Variants in DVL1 observed in about 807,000 individuals in gnomAD.
DVL1 encodes the protein dishevelled segment polarity protein 1.
A neutral mutation model predicts 65.0 loss-of-function variants in DVL1; 49 were observed. The observed-to-expected ratio is 0.75, with a 90% CI of 0.60 to 0.96. The LOEUF is 0.96. Ranked by LOEUF, DVL1 falls within the 40% of genes least tolerant of loss-of-function variation. The probability of loss-of-function intolerance (pLI) is 0.00; values close to 1 mark genes in which losing one functional copy is unlikely to be tolerated. For missense variants in DVL1, 1,197 were observed against 1,045.4 expected, an observed-to-expected ratio of 1.15 and a Z score of -2.00; for synonymous variants, 608 against 433.9, an observed-to-expected ratio of 1.40 and a Z score of -4.99.
chr1:1,339,872 G>A (rs56129021), intron 8 of DVL1, 60 bp from the exon 9 acceptor site: 139 of 693,608 alleles, frequency 2.0e-4, no homozygotes, highest in South Asian at 5.3e-4. Context: ...CACCGCCCCC[G>A]CAGACCCACC....
Position 1,341,009 on chromosome 1 carries a change from CGCACCCCTGCACAAT to C in DVL1, c.606-521_606-507del, listed in dbSNP as rs1273544838. Reference sequence around the variant, plus strand: ...GCACACCTGCATACTCACCTGCACACGCACCCCTGCACAATGCACCCCTGCACACACGCACCCCTG... The same window carrying C: ...GCACACCTGCATACTCACCTGCACACGCACCCCTGCACACACGCACCCCTG... On this transcript the variant is annotated intron_variant, in intron 5 of 14. Transcript: ENST00000378888. Among the ~76,000 whole-genome samples the C allele has an allele frequency of 1.7e-4, 25 of 145,918 alleles. No homozygotes were observed. In the East Asian group the frequency reaches 4.0e-3, roughly 23 times the overall value.
rs1182753234 is a variant in DVL1, at chr1:1,349,061, G to A, written c.5C>T (p.Ala2Val). M[A>V]ETKIIYHMDE... ...CATGTGGTAGATAATCTTGGTCTCC[G>A]CCATGGCGCGGCGGCGGCGCGGAGC... Residue 2 changes from alanine to valine, a missense_variant, in exon 1 of 15, where the codon GCG becomes GTG. Physicochemically the swap from Ala to Val is moderately conservative, Grantham distance 64. Coordinates refer to ENST00000378888, the MANE Select transcript of DVL1 (RefSeq NM_001330311.2). This position sits in a 1 kb window ranked among gnomAD's most constrained non-coding sequence, Gnocchi z 4.1. The A allele has an allele frequency of 5.3e-6, 8 of 1,497,780 alleles. No homozygotes were observed. Among genetic ancestry groups the A allele is most frequent in the Middle Eastern group, 1.8e-4 (1 of 5,516 alleles). The allele number at this position is 1,497,780 out of a possible 1,614,324, so 92.8% of individuals were successfully genotyped here. A position where few individuals can be genotyped will look rare whatever the true frequency, so the allele number is the denominator to read the frequency against.
At chr1:1,338,229 T>TTGCCCA in intron 13 of DVL1, 40 bp downstream of exon 13, 9 of 1,522,350 alleles carry the variant, frequency 5.9e-6, no homozygotes, top group Middle Eastern at 2.0e-4. Flanking sequence ...CCTCCGGCGT[T>TTGCCCA]CCCCTCCCCC....
Position 1,347,830 on chromosome 1 carries a change from C to T in DVL1, c.170+1066G>A, listed in dbSNP as rs574515876. ...CCCAGCCTTCAAAGGCTGCCAAGGA[C>T]GCACCCTGCCCTCTCTGCTTTGCCT... On this transcript the variant is annotated intron_variant, in intron 1 of 14. Transcript: ENST00000378888. 5.3e-5 allele frequency among the ~76,000 whole-genome samples: 8 copies of T among 152,242 alleles called. No homozygotes were observed. The East Asian group carries it at 1.5e-3, about 29-fold the overall frequency.
chr1:1,336,698 G>A (rs1363731740), intron 14 of DVL1, among the ~76,000 whole-genome samples, 183 bp from the exon 15 acceptor site: 1 of 152,206 alleles, frequency 6.6e-6, no homozygotes, highest in Non-Finnish European at 1.5e-5. Context: ...AGCTGCGGCA[G>A]GCATGGGCTG....
chr1:1,337,909 A>G (rs1424771119), intron 14 of DVL1, 68 bp downstream of exon 14: 2 of 1,277,966 alleles, frequency 1.6e-6, no homozygotes, highest in Non-Finnish European at 1.1e-6. Flanking sequence ...CTGGGGGCGG[A>G]GCAGCAGTGG....
chr1:1,342,556 C>A, intron 2 of DVL1, 72 bp from the exon 3 acceptor site: 1 of 1,578,752 alleles, frequency 6.3e-7, no homozygotes, highest in Non-Finnish European at 8.6e-7. Context: ...ACCCAGGGAA[C>A]AGGGGGCCAG....
intron 5 of DVL1, 21 bp from the exon 6 acceptor site, chr1:1,340,524 C>A (rs768109966): frequency 1.4e-4 from 217 of 1,580,696 alleles, no homozygotes; most frequent in Non-Finnish European, 1.8e-4. Flanking sequence ...ACTGTCAGAG[C>A]TCAGAGGAGC....
At chr1:1,337,931 G>A (rs1188567280) in intron 14 of DVL1, 46 bp downstream of exon 14, 1 of 1,509,358 alleles carries the variant, frequency 6.6e-7, no homozygotes, top group East Asian at 2.3e-5. Context: ...GTGGGGCGGA[G>A]CTGGGGGCGG....
intron 1 of DVL1, among the ~76,000 whole-genome samples, chr1:1,346,358 CCTCGG>C (rs1160787398): frequency 1.3e-5 from 2 of 152,214 alleles, no homozygotes; most frequent in African/African-American, 4.8e-5. Context: ...CAACAGACAG[CCTCGG>C]TGCCAAGTCC....
In DVL1 at chr1:1,342,581, C is replaced by T. The variant is rs560699417; in HGVS notation, c.241-97G>A. 1,719 of 1,573,342 alleles carry T rather than the reference C, an allele frequency of 1.1e-3. 11 individuals carry two copies. The African/African-American group carries it at 0.02, about 18-fold the overall frequency. ...CAGGGGGCCAGCAAGCTGCCCTATC[C>T]GCACCCAGCCTGCCAGGGCCTCCCC... On this transcript the variant is annotated intron_variant, in intron 2 of 14. Transcript: ENST00000378888.
At position 1,338,666 on chromosome 1, in the gene DVL1, G is replaced by A. The variant is rs1311065399; in HGVS notation, c.1208-13C>T. The A allele has an allele frequency of 1.9e-6, 3 of 1,606,012 alleles. No individual in the cohort carries two copies. The highest frequency in any genetic ancestry group is 2.5e-6 in the Non-Finnish European group (3 of 1,178,460). On this transcript the variant is annotated splice_polypyrimidine_tract_variant and intron_variant, in intron 11 of 14. Transcript: ENST00000378888. ...GCCTCTTCCAGCTCTGCAAAGCACA[G>A]ACAGCCCCGCTTCAGCCCCAGCATC...
chr1:1,336,468 G>A lies in DVL1; in HGVS notation c.1762C>T (p.Arg588Cys), dbSNP rs202097902. 701 of 1,554,072 alleles carry A rather than the reference G, an allele frequency of 4.5e-4. No homozygotes were observed. Among genetic ancestry groups the A allele is most frequent in the Non-Finnish European group, 5.6e-4 (650 of 1,159,096 alleles). Residue 588 changes from arginine (R) to cysteine (C), a missense_variant, in exon 15 of 15, where the codon CGT (arginine) becomes TGT (cysteine). By Grantham distance (180) the Arg-to-Cys change is radical. Transcript: ENST00000378888. ...CCCGCCGCCCGACGCTCCTTCTCAC[G>A]GCCCGGGGCCCGGCGGCTGCTCCGG... ...STRSSRRAPG[R>C]EKERRAAGAG...
chr1:1,349,165 C>A lies in DVL1; in HGVS notation c.-100G>T. On this transcript the variant is annotated 5_prime_UTR_variant, in exon 1 of 15. Transcript: ENST00000378888. This position sits in a 1 kb window ranked among gnomAD's most constrained non-coding sequence, Gnocchi z 4.1. ...CCGCCTGCGCCCCGCCCGGCCCGCA[C>A]CGCTCTCGGCCCCGACGCTCCGAGG... The A allele has an allele frequency of 1.4e-6, 1 of 725,012 alleles. No homozygotes were observed. Among genetic ancestry groups the A allele is most frequent in the African/African-American group, 2.0e-5 (1 of 50,666 alleles). The allele number at this position is 725,012 out of a possible 1,614,324, so 44.9% of individuals were successfully genotyped here.
In DVL1 at chr1:1,336,457, C is replaced by T. The variant is rs1206960893; in HGVS notation, c.1773G>A (p.Glu591=). ...TGCCCCCAGCTCCCGCCGCCCGACG[C>T]TCCTTCTCACGGCCCGGGGCCCGGC... ...SSRRAPGREK[E]RRAAGAGGSG... is the part of the protein sequence containing the mutation. The change falls in exon 15 of 15, where the codon GAG becomes GAA. Residue 591 remains glutamate (E), a synonymous_variant. Coordinates refer to ENST00000378888, the MANE Select transcript of DVL1 (RefSeq NM_001330311.2). 6.4e-7 allele frequency: 1 copy of T among 1,568,308 alleles called. No homozygotes were observed. The highest frequency in any genetic ancestry group is 2.3e-5 in the East Asian group (1 of 43,888).
intron 3 of DVL1, 38 bp downstream of exon 3, chr1:1,342,325 C>G: frequency 6.5e-7 from 1 of 1,536,154 alleles, no homozygotes; most frequent in African/African-American, 1.4e-5. Flanking sequence ...CCATGACAGG[C>G]TTGGGGTAGC....
intron 14 of DVL1, chr1:1,337,667 A>C: frequency 5.5e-6 from 3 of 542,646 alleles, no homozygotes; most frequent in East Asian, 3.7e-5. Flanking sequence ...CCCTCATCCC[A>C]ATCCCACCCA....
At chr1:1,338,800 G>C in intron 11 of DVL1, 147 bp from the exon 12 acceptor site, 6 of 1,302,350 alleles carry the variant, frequency 4.6e-6, no homozygotes, top group Non-Finnish European at 6.1e-6. Context: ...GCCCACTGCA[G>C]GATGCACCCC....
chr1:1,341,439 C>G (rs1200226436), intron 5 of DVL1, among the ~76,000 whole-genome samples: 1 of 152,026 alleles, frequency 6.6e-6, no homozygotes, highest in Non-Finnish European at 1.5e-5. Flanking sequence ...CACGTTTGCA[C>G]GCGGGCACAC....
Sources: allele counts gnomAD v4.1 joint callset (sites outside exome capture counted in the v4.1 genomes callset), GRCh38; gene constraint gnomAD v4.1.1; non-coding constraint Gnocchi (gnomAD v3.1); transcripts MANE v1.5; gene names NCBI Gene and HGNC (gene_info 2026-07-23, HGNC 2026-07-21).